The following CA10 variants were observed in gnomAD, a reference collection of about 807,000 sequenced individuals.
CA10 encodes the protein carbonic anhydrase-related protein 10.
A neutral mutation model predicts 44.2 loss-of-function variants in CA10; 14 were observed. The observed-to-expected ratio is 0.32, with a 90% CI of 0.21 to 0.50. The LOEUF (loss-of-function observed/expected upper bound fraction) is 0.50. Ranked by LOEUF, CA10 falls within the 20% of genes least tolerant of loss-of-function variation. CA10 has a pLI of 0.99. For synonymous variants in CA10, 159 were observed against 141.6 expected, an observed-to-expected ratio of 1.12 and a Z score of -0.87; for missense variants, 350 against 409.7, an observed-to-expected ratio of 0.85 and a Z score of 1.26.
chr17:52,052,109 T>C (rs1987088549), intron 2 of CA10, among the ~76,000 whole-genome samples: 2 of 151,388 alleles, frequency 1.3e-5, no homozygotes, highest in Non-Finnish European at 2.9e-5. Context: ...AGGGTAACAA[T>C]ACATACTGGG....
intron 4 of CA10, among the ~76,000 whole-genome samples, chr17:51,714,256 T>C (rs75942613): frequency 0.014 from 2,065 of 152,320 alleles, 50 homozygotes; most frequent in African/African-American, 0.047. Context: ...GGAACAAGCA[T>C]AGATTTTGCA....
intron 4 of CA10, among the ~76,000 whole-genome samples, chr17:51,726,851 C>T (rs758766300): frequency 1.3e-5 from 2 of 152,156 alleles, no homozygotes; most frequent in Non-Finnish European, 2.9e-5. Flanking sequence ...CCTCATTTGA[C>T]AAACAAGAGG....
At chr17:51,696,166 G>T (rs1915396575) in intron 4 of CA10, among the ~76,000 whole-genome samples, 1 of 152,054 alleles carries the variant, frequency 6.6e-6, no homozygotes, top group South Asian at 2.1e-4. Context: ...TGGTGTCAGG[G>T]TGATGCTGGC....
intron 2 of CA10, among the ~76,000 whole-genome samples, chr17:52,016,527 G>A (rs1483713203): frequency 6.6e-6 from 1 of 152,100 alleles, no homozygotes; most frequent in African/African-American, 2.4e-5. Flanking sequence ...AGGTGTTTGA[G>A]TCATGGGGGT....
chr17:51,959,708 T>C (rs1215699759), intron 2 of CA10, among the ~76,000 whole-genome samples: 1 of 139,172 alleles, frequency 7.2e-6, no homozygotes, highest in African/African-American at 2.7e-5. Flanking sequence ...AATTGAAAAC[T>C]AAACTAACAC....
intron 2 of CA10, among the ~76,000 whole-genome samples, chr17:52,022,642 A>G (rs950095815): frequency 2.0e-5 from 3 of 151,802 alleles, no homozygotes; most frequent in Non-Finnish European, 4.4e-5. Context: ...AATAAAATGC[A>G]TCCAAATAGG....
intron 2 of CA10, among the ~76,000 whole-genome samples, chr17:51,969,133 C>T (rs1456581372): frequency 6.6e-6 from 1 of 151,922 alleles, no homozygotes; most frequent in Admixed American, 6.6e-5. Flanking sequence ...GTCTTCAAAA[C>T]CTAAATAAGC....
At chr17:51,842,889 G>A (rs1423575193) in intron 3 of CA10, among the ~76,000 whole-genome samples, 1 of 152,148 alleles carries the variant, frequency 6.6e-6, no homozygotes, top group Admixed American at 6.5e-5. Flanking sequence ...GCAGAAAAAT[G>A]TGCAGAATGG....
intron 1 of CA10, among the ~76,000 whole-genome samples, chr17:52,078,170 C>T (rs543220084): frequency 7.9e-5 from 12 of 152,220 alleles, no homozygotes; most frequent in African/African-American, 1.4e-4. Flanking sequence ...AACATAACTG[C>T]GAAATACCTC....
chr17:51,971,710 A>AC (rs1470484708), intron 2 of CA10, among the ~76,000 whole-genome samples: 1 of 152,074 alleles, frequency 6.6e-6, no homozygotes, highest in Non-Finnish European at 1.5e-5. Flanking sequence ...TTCCATTTCT[A>AC]CCATTTTAAA....
chr17:51,839,560 A>G (rs111632958), intron 3 of CA10, among the ~76,000 whole-genome samples: 1 of 151,840 alleles, frequency 6.6e-6, no homozygotes, highest in Non-Finnish European at 1.5e-5. Context: ...GCAGTTAAAA[A>G]CAGAAATGAA....
chr17:51,861,963 C>T (rs1979330794), intron 3 of CA10, among the ~76,000 whole-genome samples: 1 of 152,198 alleles, frequency 6.6e-6, no homozygotes, highest in African/African-American at 2.4e-5. Flanking sequence ...CAAGACAGAA[C>T]TGTAAGACTT....
intron 4 of CA10, among the ~76,000 whole-genome samples, chr17:51,718,531 C>G (rs1180654055): frequency 6.6e-6 from 1 of 152,106 alleles, no homozygotes; most frequent in Admixed American, 6.5e-5. Flanking sequence ...TACAGTTATT[C>G]CCCCCGGCTC....
At chr17:52,135,882 C>G (rs904167075) in intron 1 of CA10, among the ~76,000 whole-genome samples, 1 of 152,176 alleles carries the variant, frequency 6.6e-6, no homozygotes, top group African/African-American at 2.4e-5. Flanking sequence ...CATACACATC[C>G]AAGTTGTTAA....
At chr17:52,104,641 C>T (rs1184517392) in intron 1 of CA10, among the ~76,000 whole-genome samples, 1 of 152,182 alleles carries the variant, frequency 6.6e-6, no homozygotes, top group African/African-American at 2.4e-5. Flanking sequence ...CCTCCTTCTC[C>T]TCCTCTCTTG....
chr17:51,885,067 T>C (rs1980538755), intron 3 of CA10, among the ~76,000 whole-genome samples: 1 of 152,226 alleles, frequency 6.6e-6, no homozygotes, highest in Non-Finnish European at 1.5e-5. Context: ...GTATCAGGGA[T>C]TAGGGGTTCA....
At chr17:51,945,475 G>C (rs754619788) in intron 2 of CA10, among the ~76,000 whole-genome samples, 12 of 152,046 alleles carry the variant, frequency 7.9e-5, no homozygotes, top group Non-Finnish European at 1.8e-4. Context: ...CTCGTTCTGG[G>C]GTAGGGACAG....
At chr17:51,647,205 C>T (rs897590735) in intron 6 of CA10, among the ~76,000 whole-genome samples, 3 of 152,184 alleles carry the variant, frequency 2.0e-5, no homozygotes, top group African/African-American at 7.2e-5. Context: ...TTTCTTGCCA[C>T]TCCCTCTGCC....
intron 2 of CA10, among the ~76,000 whole-genome samples, chr17:52,067,504 G>A (rs138939632): frequency 6.6e-5 from 10 of 152,328 alleles, no homozygotes; most frequent in South Asian, 2.1e-4. Flanking sequence ...AGGGAAATGC[G>A]GGGTGCGAAC....
Sources: allele counts gnomAD v4.1 joint callset (sites outside exome capture counted in the v4.1 genomes callset), GRCh38; gene constraint gnomAD v4.1.1; transcripts MANE v1.5; gene names NCBI Gene and HGNC (gene_info 2026-07-23, HGNC 2026-07-21).